The following DCLK2 variants were observed in gnomAD, a reference collection of about 807,000 sequenced individuals.
DCLK2 encodes serine/threonine-protein kinase DCLK2.
In DCLK2, 31 loss-of-function variants were observed where a neutral mutation model predicts 78.4. The ratio of observed to expected loss-of-function variants is 0.40; its 90% CI spans 0.30 to 0.53. The LOEUF (loss-of-function observed/expected upper bound fraction) is 0.53, where lower values mean the gene tolerates loss of function less well. Among genes scored for constraint, DCLK2 ranks in the 20% least tolerant of loss-of-function variants. DCLK2 has a pLI of 0.61. For missense variants in DCLK2, 872 were observed against 973.7 expected (o/e 0.90, Z 1.39); for synonymous variants, 407 against 374.9 (o/e 1.09, Z -0.99).
intron 3 of DCLK2, among the ~76,000 whole-genome samples, chr4:150,194,022 GACACACACACACACACACACAC>G (rs58179559): frequency 0.014 from 1,839 of 133,874 alleles, 45 homozygotes; most frequent in African/African-American, 0.046. Flanking sequence ...AAAGTGCTGG[GACACACACACACACACACACAC>G]ACACACACAC....
chr4:150,248,353 G>A lies in DCLK2; in HGVS notation c.1924G>A (p.Ala642Thr), dbSNP rs1436081098. 2.5e-6 allele frequency: 4 copies of A among 1,613,780 alleles called. No homozygotes were observed. Among genetic ancestry groups the A allele is most frequent in the East Asian group, 2.2e-5 (1 of 44,900 alleles). Residue 642 changes from alanine to threonine, a missense_variant, in exon 14 of 16, where the codon GCG becomes ACG. Ala to Thr is a moderately conservative substitution (Grantham distance 58, BLOSUM62 0). Coordinates refer to ENST00000296550, the MANE Select transcript of DCLK2 (RefSeq NM_001040260.4). ...LQVNVEARCTAGQILSHPWVS... is the reference protein window; with the variant it reads ...LQVNVEARCTTGQILSHPWVS... The stretch of plus-strand genomic sequence containing the variant: ...GGTAAATGTTGAAGCTCGGTGTACC[G>A]CGGGACAAATCCTGAGTCACCCCTG...
chr4:150,106,438 A>G (rs1355932281), intron 2 of DCLK2, among the ~76,000 whole-genome samples: 1 of 152,216 alleles, frequency 6.6e-6, no homozygotes, highest in African/African-American at 2.4e-5. Context: ...TTCTCAAGGA[A>G]AGGACACCTT....
At chr4:150,198,921 C>CG (rs1553967932) in intron 4 of DCLK2, 1 of 605,950 alleles carries the variant, frequency 1.7e-6, no homozygotes, top group South Asian at 2.3e-5. Context: ...CCCCCCCCCC[C>CG]ACTTTCTGTA....
At chr4:150,249,492 G>A in intron 14 of DCLK2, 76 bp from the exon 15 acceptor site, 11 of 1,247,646 alleles carry the variant, frequency 8.8e-6, no homozygotes. Context: ...AGGCGGGGAG[G>A]GGGACTCTTA....
intron 2 of DCLK2, among the ~76,000 whole-genome samples, chr4:150,157,532 A>T (rs1580615439): frequency 2.2e-5 from 3 of 133,636 alleles, no homozygotes; most frequent in Admixed American, 8.2e-5. Context: ...TTTGTTTTTG[A>T]GCTGGAGTCT....
At chr4:150,230,118 A>G (rs1315251174) in intron 8 of DCLK2, among the ~76,000 whole-genome samples, 1 of 152,162 alleles carries the variant, frequency 6.6e-6, no homozygotes, top group Non-Finnish European at 1.5e-5. Flanking sequence ...AAAAACATTC[A>G]CTCTGTGCTT....
chr4:150,208,657 G>A (rs566267820), intron 5 of DCLK2, among the ~76,000 whole-genome samples: 1 of 152,100 alleles, frequency 6.6e-6, no homozygotes, highest in Admixed American at 6.5e-5. Flanking sequence ...GAGGAGGCTG[G>A]GTGAAGAGGG....
At chr4:150,183,592 T>C (rs1234825626) in intron 2 of DCLK2, among the ~76,000 whole-genome samples, 1 of 152,186 alleles carries the variant, frequency 6.6e-6, no homozygotes, top group Non-Finnish European at 1.5e-5. Context: ...GATAGAAAAC[T>C]AACATCATAA....
chr4:150,104,344 T>A (rs1198183430), intron 2 of DCLK2, among the ~76,000 whole-genome samples: 2 of 126,460 alleles, frequency 1.6e-5, no homozygotes, highest in Non-Finnish European at 3.1e-5. Flanking sequence ...GCTATGATTG[T>A]GCCACTGCAC....
chr4:150,222,292 T>G (rs1213321478), intron 7 of DCLK2, among the ~76,000 whole-genome samples: 1 of 152,142 alleles, frequency 6.6e-6, no homozygotes, highest in Non-Finnish European at 1.5e-5. Context: ...GAAAAAAATA[T>G]TATGTATATA....
Position 150,078,803 on chromosome 4 carries a change from G to A in DCLK2, c.-225G>A. 1 of 467,392 alleles carries A rather than the reference G, an allele frequency of 2.1e-6. No individual in the cohort carries two copies. 29.0% of individuals were successfully genotyped at this position (467,392 alleles called of 1,614,324 possible). On this transcript the variant is annotated 5_prime_UTR_variant, in exon 1 of 16. Transcript: ENST00000296550. ...CGGGAGGCACGGAGCAAGTCGCACT[G>A]GACAATGACCTGGGCAGCTCGGCGC...
chr4:150,211,629 C>T (rs1740327363), intron 5 of DCLK2, among the ~76,000 whole-genome samples: 1 of 152,160 alleles, frequency 6.6e-6, no homozygotes, highest in South Asian at 2.1e-4. Context: ...TTGAGGGCTG[C>T]CAGAGTCTCA....
chr4:150,162,179 C>T (rs1010763714), intron 2 of DCLK2, among the ~76,000 whole-genome samples: 4 of 152,064 alleles, frequency 2.6e-5, no homozygotes, highest in Middle Eastern at 3.2e-3. Context: ...CATAGGCATG[C>T]GCCACCATGC....
chr4:150,202,344 T>G (rs1312746574), intron 4 of DCLK2, among the ~76,000 whole-genome samples: 1 of 152,238 alleles, frequency 6.6e-6, no homozygotes, highest in African/African-American at 2.4e-5. Flanking sequence ...TATTTGTTAA[T>G]AAAATCTAGA....
intron 2 of DCLK2, among the ~76,000 whole-genome samples, chr4:150,151,939 A>G (rs1734931058): frequency 1.3e-5 from 2 of 152,046 alleles, no homozygotes; most frequent in South Asian, 4.2e-4. Context: ...AAAAAAAATA[A>G]TAATAATTTA....
At chr4:150,254,751 G>A (rs961293499) in intron 15 of DCLK2, among the ~76,000 whole-genome samples, 1 of 152,116 alleles carries the variant, frequency 6.6e-6, no homozygotes, top group African/African-American at 2.4e-5. Context: ...TGTGATCCTA[G>A]CTCACTGTAT....
chr4:150,231,229 A>G (rs1742033846), intron 8 of DCLK2, among the ~76,000 whole-genome samples: 2 of 152,242 alleles, frequency 1.3e-5, no homozygotes, highest in South Asian at 4.1e-4. Context: ...TACCTTACAC[A>G]GCTACTAACA....
intron 2 of DCLK2, among the ~76,000 whole-genome samples, chr4:150,185,507 A>G (rs1368833932): frequency 6.6e-6 from 1 of 151,762 alleles, no homozygotes; most frequent in Non-Finnish European, 1.5e-5. Flanking sequence ...TGAGGTCAGG[A>G]GTTCGAGACC....
At chr4:150,118,111 G>A (rs1732238876) in intron 2 of DCLK2, among the ~76,000 whole-genome samples, 1 of 152,068 alleles carries the variant, frequency 6.6e-6, no homozygotes, top group Non-Finnish European at 1.5e-5. Context: ...ACTCTTCCTG[G>A]CTGTCCTGTA....
Sources: gnomAD v4.1 joint callset for allele counts (sites outside exome capture counted in the v4.1 genomes callset) on GRCh38, gnomAD v4.1.1 for gene constraint, MANE v1.5 for transcripts, NCBI Gene and HGNC (gene_info 2026-07-23, HGNC 2026-07-21) for gene names.